Variants in KIF13B observed in about 807,000 individuals in gnomAD.
The protein encoded by KIF13B is kinesin-like protein KIF13B.
KIF13B carries 127 observed loss-of-function variants against 222.0 expected under a neutral mutation model. That is an observed-to-expected ratio of 0.57 (90% CI 0.50 to 0.66). The LOEUF is 0.66. Ranked by LOEUF, KIF13B falls within the 30% of genes least tolerant of loss-of-function variation. The pLI is 0.00. For synonymous variants in KIF13B, 976 were observed against 919.0 expected (o/e 1.06, Z -1.12); for missense variants, 2,173 against 2,379.0 (o/e 0.91, Z 1.80).
chr8:29,106,059 TTCTTA>T (rs947578884), intron 35 of KIF13B, among the ~76,000 whole-genome samples: 3 of 152,220 alleles, frequency 2.0e-5, no homozygotes, highest in Non-Finnish European at 4.4e-5. Flanking sequence ...AGTCATGTTT[TTCTTA>T]TATTTTCCTT....
chr8:29,243,170 A>C (rs1460913170), intron 2 of KIF13B, among the ~76,000 whole-genome samples: 2 of 151,748 alleles, frequency 1.3e-5, no homozygotes, highest in African/African-American at 4.8e-5. Context: ...AACATGGTGA[A>C]ACCCCTTCTC....
At position 29,068,258 on chromosome 8, in the gene KIF13B, G is replaced by T. The variant is rs117682579; in HGVS notation, c.*2246C>A. ...CTTGGGAGGTGAGTCTGCTGGTCAG[G>T]GAGGCAAGAAAAGAAGATAGAAGAC... On this transcript the variant is annotated 3_prime_UTR_variant, in exon 40 of 40. Coordinates refer to ENST00000524189, the MANE Select transcript of KIF13B (RefSeq NM_015254.4). The surrounding 1 kb of genome is among the most constrained non-coding windows in gnomAD (Gnocchi z 4.4). 755 of 152,428 alleles carry T rather than the reference G, an allele frequency of 5.0e-3. 5 individuals are homozygous for T. Among genetic ancestry groups the T allele is most frequent in the South Asian group, 0.018 (86 of 4,824 alleles). The allele number at this position is 152,428 out of a possible 1,614,324, so 9.4% of individuals were successfully genotyped here.
chr8:29,102,711 C>A (rs528623683), intron 35 of KIF13B, among the ~76,000 whole-genome samples: 1 of 152,346 alleles, frequency 6.6e-6, no homozygotes, highest in East Asian at 1.9e-4. Flanking sequence ...GCAGCTTTCA[C>A]TGCAGCTGGA....
chr8:29,241,569 G>A (rs753659468), intron 2 of KIF13B, among the ~76,000 whole-genome samples: 1 of 152,190 alleles, frequency 6.6e-6, no homozygotes, highest in Non-Finnish European at 1.5e-5. Flanking sequence ...TAAGGCATCT[G>A]CCTTTCTCAC....
Position 29,176,160 on chromosome 8 carries a change from G to A in KIF13B, c.853C>T (p.Leu285=). Residue 285 remains leucine (L), a synonymous_variant, in exon 10 of 40, where the codon CTG becomes TTG. Coordinates refer to ENST00000524189, the MANE Select transcript of KIF13B (RefSeq NM_015254.4). ...TGATCTGCAAGAGCTGAGATAACCA[G>A]ACCGAGGGTTGTGAGGGACCTGCAT... ...NINKSLTTLG[L]VISALADQSA... 2 of 1,612,754 alleles carry A rather than the reference G, an allele frequency of 1.2e-6. No individual in the cohort carries two copies. Among genetic ancestry groups the A allele is most frequent in the African/African-American group, 1.3e-5 (1 of 74,990 alleles).
Position 29,247,999 on chromosome 8 carries a change from C to T in KIF13B, c.56-2560G>A, listed in dbSNP as rs142758396. 2.6e-5 allele frequency among the ~76,000 whole-genome samples: 4 copies of T among 152,156 alleles called. No homozygotes were observed. In the East Asian group the frequency reaches 7.7e-4, roughly 29 times the overall value. On this transcript the variant is annotated intron_variant, in intron 1 of 39. Transcript: ENST00000524189. Reference sequence around the variant, plus strand: ...TGCAAATCAAAACCACAATGAAATACCATCTCGCATCCACTGGGATAACTA... The same window carrying T: ...TGCAAATCAAAACCACAATGAAATATCATCTCGCATCCACTGGGATAACTA...
chr8:29,115,517 G>A (rs1435124966), intron 31 of KIF13B, among the ~76,000 whole-genome samples: 1 of 151,798 alleles, frequency 6.6e-6, no homozygotes, highest in Non-Finnish European at 1.5e-5. Context: ...GTAGAGACAG[G>A]GTTTCTCCAT....
At chr8:29,230,470 AG>A (rs983235454) in intron 2 of KIF13B, among the ~76,000 whole-genome samples, 1 of 152,214 alleles carries the variant, frequency 6.6e-6, no homozygotes, top group Non-Finnish European at 1.5e-5. Context: ...AGGCCCAAAA[AG>A]GCCAGGTCAA....
intron 36 of KIF13B, among the ~76,000 whole-genome samples, chr8:29,093,082 T>G (rs1213713237): frequency 6.6e-6 from 1 of 152,180 alleles, no homozygotes; most frequent in East Asian, 1.9e-4. Context: ...TAAATAGCAG[T>G]AACTGGGGTG....
At chr8:29,108,515 C>T (rs1470340155) in intron 34 of KIF13B, among the ~76,000 whole-genome samples, 1 of 152,230 alleles carries the variant, frequency 6.6e-6, no homozygotes, top group Non-Finnish European at 1.5e-5. Flanking sequence ...TGTTATCTAA[C>T]CATGGCCTGA....
At chr8:29,075,232 C>G (rs1292692867) in intron 38 of KIF13B, 49 bp downstream of exon 38, 6 of 1,491,452 alleles carry the variant, frequency 4.0e-6, no homozygotes, top group Middle Eastern at 1.7e-4. Context: ...GCATCAGGGC[C>G]ACCTGCTCGC....
At chr8:29,106,493 G>A (rs1460933128) in intron 35 of KIF13B, among the ~76,000 whole-genome samples, 3 of 152,026 alleles carry the variant, frequency 2.0e-5, no homozygotes, top group Non-Finnish European at 2.9e-5. Context: ...TTAGTAGGGC[G>A]TGGTGGCGAG....
intron 2 of KIF13B, among the ~76,000 whole-genome samples, chr8:29,198,107 A>C (rs1411085141): frequency 6.6e-6 from 1 of 152,358 alleles, no homozygotes; most frequent in Non-Finnish European, 1.5e-5. Flanking sequence ...GAACATTAAA[A>C]CACCACAGAA....
chr8:29,230,777 G>A (rs1317145429), intron 2 of KIF13B, among the ~76,000 whole-genome samples: 1 of 152,208 alleles, frequency 6.6e-6, no homozygotes, highest in Non-Finnish European at 1.5e-5. Flanking sequence ...CTGATATGGG[G>A]CAGAATGATG....
intron 3 of KIF13B, among the ~76,000 whole-genome samples, chr8:29,192,094 T>C (rs1471061186): frequency 2.6e-5 from 4 of 152,344 alleles, no homozygotes; most frequent in Middle Eastern, 3.4e-3. Flanking sequence ...GTTTATGCTG[T>C]CATTTCCATT....
intron 31 of KIF13B, 36 bp from the exon 32 acceptor site, chr8:29,113,591 C>A: frequency 2.3e-6 from 3 of 1,283,680 alleles, no homozygotes; most frequent in East Asian, 2.5e-5. Flanking sequence ...TGGTTTCCCA[C>A]CTGAAAAACT....
chr8:29,200,113 C>T (rs974833050), intron 2 of KIF13B, among the ~76,000 whole-genome samples: 1 of 152,050 alleles, frequency 6.6e-6, no homozygotes, highest in Non-Finnish European at 1.5e-5. Context: ...AGAAACAAAC[C>T]AGTAAATTAA....
intron 2 of KIF13B, among the ~76,000 whole-genome samples, chr8:29,197,008 C>T (rs761825943): frequency 2.0e-5 from 3 of 152,158 alleles, no homozygotes; most frequent in Non-Finnish European, 2.9e-5. Flanking sequence ...CCCACTGAAA[C>T]TGCCACTTAC....
intron 35 of KIF13B, 108 bp from the exon 36 acceptor site, chr8:29,099,349 T>G: frequency 1.4e-6 from 1 of 723,274 alleles, no homozygotes. Context: ...CTAAAGCTCC[T>G]TTGAATATAA....
Sources: allele counts gnomAD v4.1 joint callset (sites outside exome capture counted in the v4.1 genomes callset), GRCh38; gene constraint gnomAD v4.1.1; non-coding constraint Gnocchi (gnomAD v3.1); transcripts MANE v1.5; gene names NCBI Gene and HGNC (gene_info 2026-07-23, HGNC 2026-07-21).